KCNH7: variants seen among roughly 807,000 people sequenced by gnomAD.
The protein encoded by KCNH7 is voltage-gated inwardly rectifying potassium channel KCNH7.
In KCNH7, 49 loss-of-function variants were observed where a neutral mutation model predicts 120.8. That is an observed-to-expected ratio of 0.41 (90% CI 0.32 to 0.51). The LOEUF (loss-of-function observed/expected upper bound fraction) is 0.51. Among genes scored for constraint, KCNH7 ranks in the 20% least tolerant of loss-of-function variants. The pLI, the probability that KCNH7 is intolerant of heterozygous loss-of-function variation, is 0.38. For synonymous variants in KCNH7, 547 were observed against 516.1 expected, an observed-to-expected ratio of 1.06 and a Z score of -0.81; for missense variants, 1,097 against 1,446.6, an observed-to-expected ratio of 0.76 and a Z score of 3.92.
intron 6 of KCNH7, among the ~76,000 whole-genome samples, chr2:162,467,810 G>C (rs554137510): frequency 6.6e-6 from 1 of 152,282 alleles, no homozygotes; most frequent in Admixed American, 6.5e-5. Flanking sequence ...TCTCACAGTT[G>C]TGGAATCTGA....
chr2:162,757,334 T>C (rs1161774534), intron 2 of KCNH7, among the ~76,000 whole-genome samples: 2 of 152,182 alleles, frequency 1.3e-5, no homozygotes, highest in South Asian at 2.1e-4. Flanking sequence ...CCAACATGTA[T>C]TGAAAAAGCA....
intron 6 of KCNH7, among the ~76,000 whole-genome samples, chr2:162,482,170 A>G (rs1431322331): frequency 6.6e-6 from 1 of 152,214 alleles, no homozygotes; most frequent in Admixed American, 6.6e-5. Flanking sequence ...TGGGGAGCCT[A>G]TTAAACTTAC....
At chr2:162,381,635 C>A (rs1242269973) in intron 13 of KCNH7, among the ~76,000 whole-genome samples, 1 of 152,108 alleles carries the variant, frequency 6.6e-6, no homozygotes, top group African/African-American at 2.4e-5. Context: ...CCTTCTTCTG[C>A]AGAAATGGCT....
In KCNH7 at chr2:162,569,444, C is replaced by A. The variant is rs36195853; in HGVS notation, c.308-32364G>T. 1.0e-4 allele frequency among the ~76,000 whole-genome samples: 15 copies of A among 146,352 alleles called. 1 individual carries two copies. Among genetic ancestry groups the A allele is most frequent in the South Asian group, 9.0e-4 (4 of 4,456 alleles). On this transcript the variant is annotated intron_variant, in intron 2 of 15. Transcript: ENST00000332142. ...TTTTTTTCTTTATTAGTCTTGCTAG[C>A]GGTCTATCAATTTTGTTGATCCTTT...
intron 6 of KCNH7, among the ~76,000 whole-genome samples, chr2:162,479,860 T>C (rs1421639564): frequency 1.3e-5 from 2 of 152,198 alleles, no homozygotes; most frequent in Non-Finnish European, 2.9e-5. Context: ...CCTTTTAGTC[T>C]TTCTTAGAAT....
rs1271278223 is a variant in KCNH7 at position 162,458,107 on chromosome 2, G to A, written c.1129-11664C>T. On this transcript the variant is annotated intron_variant, in intron 6 of 15. Transcript: ENST00000332142. ...AAAATAGATATTTGGCTATGTGCGTGTGTGTGTGTGTGTGTGTGTGTGTGT... is the reference window on the plus strand; with the variant it reads ...AAAATAGATATTTGGCTATGTGCGTATGTGTGTGTGTGTGTGTGTGTGTGT... 4.3e-5 allele frequency among the ~76,000 whole-genome samples: 6 copies of A among 138,612 alleles called. No homozygotes were observed. In the Admixed American group the frequency reaches 4.7e-4, roughly 11 times the overall value. The allele number at this position is 138,612 out of a possible 152,430, so 90.9% of individuals were successfully genotyped here. A position where few individuals can be genotyped will look rare whatever the true frequency, so the allele number is the denominator to read the frequency against.
At chr2:162,414,348 A>G (rs1687479157) in intron 9 of KCNH7, among the ~76,000 whole-genome samples, 1 of 151,946 alleles carries the variant, frequency 6.6e-6, no homozygotes, top group Non-Finnish European at 1.5e-5. Flanking sequence ...GCATGAAATT[A>G]GAAGTCAAAT....
Position 162,678,502 on chromosome 2 carries a change from C to T in KCNH7, c.308-141422G>A, listed in dbSNP as rs112488406. Among the ~76,000 whole-genome samples the T allele has an allele frequency of 1.5e-3, 223 of 151,570 alleles. 1 individual carries two copies. Among genetic ancestry groups the T allele is most frequent in the African/African-American group, 4.8e-3 (198 of 41,460 alleles). Reference sequence around the variant, plus strand: ...TCATGGTGACTCCACACATATTGGACAGAAGGGCCTTGTATAAAGTCTACC... The same window carrying T: ...TCATGGTGACTCCACACATATTGGATAGAAGGGCCTTGTATAAAGTCTACC... On this transcript the variant is annotated intron_variant, in intron 2 of 15. Transcript: ENST00000332142.
rs140576164 is a variant in KCNH7 at position 162,519,828 on chromosome 2, T to C, written c.464-1670A>G. On this transcript the variant is annotated intron_variant, in intron 3 of 15. Transcript: ENST00000332142. ...ACCTTCTTATATTATTTAAATGTCA[T>C]AGACACCATTATCTTTAATATATTT... 3.4e-4 allele frequency among the ~76,000 whole-genome samples: 51 copies of C among 151,954 alleles called. 1 individual carries two copies. The highest frequency in any genetic ancestry group is 1.1e-3 in the African/African-American group (45 of 41,534).
At chr2:162,815,379 G>C (rs1015668847) in intron 2 of KCNH7, among the ~76,000 whole-genome samples, 2 of 152,098 alleles carry the variant, frequency 1.3e-5, no homozygotes, top group Admixed American at 1.3e-4. Flanking sequence ...AAGCTATAAT[G>C]GCTTATCACA....
chr2:162,831,906 C>A (rs1299340603), intron 2 of KCNH7, among the ~76,000 whole-genome samples: 1 of 152,116 alleles, frequency 6.6e-6, no homozygotes, highest in African/African-American at 2.4e-5. Flanking sequence ...ATAAACAAAG[C>A]TCAGCCACAG....
chr2:162,773,364 T>C (rs920989484), intron 2 of KCNH7, among the ~76,000 whole-genome samples: 2 of 152,136 alleles, frequency 1.3e-5, no homozygotes, highest in Non-Finnish European at 2.9e-5. Flanking sequence ...GGCATGCACC[T>C]GCAGTCCTAA....
intron 2 of KCNH7, among the ~76,000 whole-genome samples, chr2:162,834,440 T>G (rs1264598345): frequency 1.3e-5 from 2 of 152,100 alleles, no homozygotes; most frequent in Non-Finnish European, 2.9e-5. Flanking sequence ...CTAAAGATAT[T>G]CAAATCCTTG....
chr2:162,647,879 G>A (rs1016232232), intron 2 of KCNH7, among the ~76,000 whole-genome samples: 1 of 152,152 alleles, frequency 6.6e-6, no homozygotes, highest in African/African-American at 2.4e-5. Flanking sequence ...TATGTTGTAT[G>A]TATTGTCATA....
chr2:162,488,089 G>C (rs1192485075), intron 6 of KCNH7, among the ~76,000 whole-genome samples: 1 of 152,172 alleles, frequency 6.6e-6, no homozygotes, highest in African/African-American at 2.4e-5. Context: ...TTCTGTTCCT[G>C]GGTCTGACTT....
chr2:162,433,877 G>A (rs937001095), intron 8 of KCNH7, among the ~76,000 whole-genome samples: 1 of 151,738 alleles, frequency 6.6e-6, no homozygotes, highest in African/African-American at 2.4e-5. Flanking sequence ...TCCATTACTG[G>A]GTATATACCT....
intron 2 of KCNH7, among the ~76,000 whole-genome samples, chr2:162,553,306 T>A (rs994904505): frequency 2.0e-5 from 3 of 152,208 alleles, no homozygotes; most frequent in African/African-American, 7.2e-5. Context: ...GCCGTTATGA[T>A]TCACTAAAGA....
At chr2:162,634,026 G>A (rs1454921038) in intron 2 of KCNH7, among the ~76,000 whole-genome samples, 4 of 151,884 alleles carry the variant, frequency 2.6e-5, no homozygotes, top group African/African-American at 9.7e-5. Context: ...CCTAGAATAT[G>A]TATTTATCTG....
At chr2:162,492,771 G>A (rs1690351142) in intron 6 of KCNH7, among the ~76,000 whole-genome samples, 1 of 149,128 alleles carries the variant, frequency 6.7e-6, no homozygotes, top group African/African-American at 2.5e-5. Context: ...AATTTAAAAG[G>A]ATTTCCTTAA....
Sources: gnomAD v4.1 joint callset for allele counts (sites outside exome capture counted in the v4.1 genomes callset) on GRCh38, gnomAD v4.1.1 for gene constraint, MANE v1.5 for transcripts, NCBI Gene and HGNC (gene_info 2026-07-23, HGNC 2026-07-21) for gene names.